The following CDHR3 variants were observed in gnomAD, a reference collection of about 807,000 sequenced individuals.
CDHR3 encodes cadherin-related family member 3.
In CDHR3, 79 loss-of-function variants were observed where a neutral mutation model predicts 86.6. The observed-to-expected ratio is 0.91, with a 90% CI of 0.76 to 1.10. CDHR3 has a LOEUF of 1.10. CDHR3 is among the 50% of genes least tolerant of loss of function. The pLI, the probability that CDHR3 is intolerant of heterozygous loss-of-function variation, is 0.00. For synonymous variants in CDHR3, 421 were observed against 402.4 expected (o/e 1.05, Z -0.55); for missense variants, 1,081 against 1,077.6 (o/e 1.00, Z -0.04).
At chr7:106,006,249 G>A (rs1167215184) in intron 8 of CDHR3, among the ~76,000 whole-genome samples, 1 of 152,184 alleles carries the variant, frequency 6.6e-6, no homozygotes, top group Admixed American at 6.5e-5. Flanking sequence ...AATTCAAGGT[G>A]AGACTTTGGT....
chr7:106,011,068 T>C (rs1233536658), intron 8 of CDHR3, among the ~76,000 whole-genome samples: 2 of 152,208 alleles, frequency 1.3e-5, no homozygotes, highest in Non-Finnish European at 2.9e-5. Context: ...TATGCTCTCA[T>C]GGTTAAAGGT....
chr7:105,990,607 C>T (rs1205423937), intron 4 of CDHR3, among the ~76,000 whole-genome samples: 1 of 152,138 alleles, frequency 6.6e-6, no homozygotes, highest in Non-Finnish European at 1.5e-5. Context: ...GAGCCATTGA[C>T]ACTCCCTGGA....
intron 17 of CDHR3, among the ~76,000 whole-genome samples, chr7:106,028,916 TTTTCTTTCTTTC>T (rs1167671014): frequency 0.025 from 2,035 of 82,996 alleles, 43 homozygotes; most frequent in East Asian, 0.044. Context: ...GAGATTTAAA[TTTTCTTTCTTTC>T]TTTCTTTCTT....
chr7:105,974,254 T>C (rs2727747), intron 1 of CDHR3, among the ~76,000 whole-genome samples: 38,995 of 152,072 alleles, frequency 0.26, 5,678 homozygotes, highest in East Asian at 0.67. Flanking sequence ...TGGTTGTTAA[T>C]CTACCAACCA....
intron 3 of CDHR3, among the ~76,000 whole-genome samples, chr7:105,981,940 T>C (rs549138055): frequency 1.3e-5 from 2 of 152,260 alleles, no homozygotes; most frequent in Admixed American, 6.5e-5. Context: ...CTTCTAAATA[T>C]ACCCAGAACC....
In CDHR3 at chr7:105,974,944, A is replaced by C; in HGVS notation, c.147A>C (p.Ser49=). 1 of 1,613,814 alleles carries C rather than the reference A, an allele frequency of 6.2e-7. No individual in the cohort carries two copies. The highest frequency in any genetic ancestry group is 8.5e-7 in the Non-Finnish European group (1 of 1,179,710). ...TGCACAAGTTTTCTGTGAAGTTATC[A>C]GCATCATTGTCACCTGTGATCCCAG... ...TSVHKFSVKL[S]ASLSPVIPGF... Residue 49 remains serine, a synonymous_variant, in exon 2 of 19, where the codon TCA becomes TCC. Transcript: ENST00000317716.
rs769749164 is a variant in CDHR3 at position 106,022,445 on chromosome 7, C to A, written c.2073C>A (p.Pro691=). 1.4e-5 allele frequency: 22 copies of A among 1,613,420 alleles called. No homozygotes were observed. The highest frequency in any genetic ancestry group is 4.2e-6 in the Non-Finnish European group (5 of 1,179,552). Residue 691 remains proline, a synonymous_variant, in exon 14 of 19, where the codon CCC becomes CCA. Transcript: ENST00000317716. The part of the protein sequence containing the change: ...PHPTTIITTT[P]RPRVTYQVLR... ...CAACCACTATCATCACCACGACCCC[C>A]AGGGTAAGGGCTTTAGGACCTGGAA...
intron 7 of CDHR3, among the ~76,000 whole-genome samples, chr7:106,002,449 C>T (rs1341170125): frequency 7.0e-6 from 1 of 143,470 alleles, no homozygotes; most frequent in African/African-American, 2.7e-5. Flanking sequence ...TTCTTCCTGG[C>T]ATCTCTGTCT....
At chr7:105,986,839 T>C (rs370804) in intron 4 of CDHR3, among the ~76,000 whole-genome samples, 85,316 of 151,960 alleles carry the variant, frequency 0.56, 24,076 homozygotes, top group South Asian at 0.75. Context: ...GGGAGAAAGT[T>C]GGGAGAAAGA....
chr7:106,004,840 G>T, intron 8 of CDHR3, 153 bp downstream of exon 8: 3 of 692,346 alleles, frequency 4.3e-6, no homozygotes, highest in South Asian at 2.0e-5. Context: ...GTTGTCCACA[G>T]GTTTCCTTGT....
chr7:105,997,942 CT>C lies in CDHR3; in HGVS notation c.713+1599del, dbSNP rs11421876. On this transcript the variant is annotated intron_variant, in intron 6 of 18. Transcript: ENST00000317716. ...CAGATAGCATGATCTGTGTGACGGT[CT>C]TTTTTTTTTTAAGTCAGTCGACTTT... Among the ~76,000 whole-genome samples, 353 of 146,742 alleles carry C rather than the reference CT, an allele frequency of 2.4e-3. 1 individual carries two copies. Among genetic ancestry groups the C allele is most frequent in the African/African-American group, 6.8e-3 (273 of 40,248 alleles).
At chr7:106,009,861 T>C (rs1338149452) in intron 8 of CDHR3, among the ~76,000 whole-genome samples, 1 of 152,180 alleles carries the variant, frequency 6.6e-6, no homozygotes, top group South Asian at 2.1e-4. Flanking sequence ...GCGGAGCAGT[T>C]TGGCTGATTC....
At chr7:105,995,066 T>A (rs1253314573) in intron 5 of CDHR3, among the ~76,000 whole-genome samples, 1 of 152,138 alleles carries the variant, frequency 6.6e-6, no homozygotes, top group African/African-American at 2.4e-5. Flanking sequence ...AGAATGACAG[T>A]ATGGGAGAGG....
At chr7:105,989,775 G>A (rs969175761) in intron 4 of CDHR3, among the ~76,000 whole-genome samples, 1 of 152,086 alleles carries the variant, frequency 6.6e-6, no homozygotes, top group Admixed American at 6.5e-5. Flanking sequence ...GAGAACCCAG[G>A]TCTCCTGACC....
At chr7:106,005,793 G>A (rs1267536944) in intron 8 of CDHR3, among the ~76,000 whole-genome samples, 1 of 152,166 alleles carries the variant, frequency 6.6e-6, no homozygotes, top group South Asian at 2.1e-4. Context: ...CCAGTATAAT[G>A]TTAAAGGATC....
At chr7:105,988,103 G>A (rs1830791554) in intron 4 of CDHR3, among the ~76,000 whole-genome samples, 1 of 152,128 alleles carries the variant, frequency 6.6e-6, no homozygotes, top group African/African-American at 2.4e-5. Flanking sequence ...TGCCCAGGCT[G>A]GTCTCAAACT....
chr7:106,011,217 C>T (rs1043715391), intron 8 of CDHR3, among the ~76,000 whole-genome samples: 1 of 152,184 alleles, frequency 6.6e-6, no homozygotes, highest in Non-Finnish European at 1.5e-5. Flanking sequence ...GCTCTTTATG[C>T]ATGCTCCTTT....
At position 105,996,356 on chromosome 7, in the gene CDHR3, T is replaced by G; in HGVS notation, c.713+2T>G. The stretch of plus-strand genomic sequence containing the variant: ...CGACGAAGTCCCTCGCTTTACCAGG[T>G]AGGCCTGAGGGCATGCAGGACTCCC... On this transcript the variant is annotated splice_donor_variant, in intron 6 of 18. Coordinates refer to ENST00000317716, the MANE Select transcript of CDHR3 (RefSeq NM_152750.5). LOFTEE classifies it high-confidence loss of function. 2 of 1,579,242 alleles carry G rather than the reference T, an allele frequency of 1.3e-6. No homozygotes were observed. Among genetic ancestry groups the G allele is most frequent in the East Asian group, 4.6e-5 (2 of 43,846 alleles).
chr7:106,000,152 G>A (rs2115781025), intron 6 of CDHR3, among the ~76,000 whole-genome samples: 1 of 152,346 alleles, frequency 6.6e-6, no homozygotes, highest in Admixed American at 6.5e-5. Flanking sequence ...CCTGAGAAGG[G>A]GATATGTCAA....
Sources: gnomAD v4.1 joint callset for allele counts (sites outside exome capture counted in the v4.1 genomes callset) on GRCh38, gnomAD v4.1.1 for gene constraint, MANE v1.5 for transcripts, NCBI Gene and HGNC (gene_info 2026-07-23, HGNC 2026-07-21) for gene names.